PDSS2: variants seen among roughly 807,000 people sequenced by gnomAD.
The protein encoded by PDSS2 is all trans-polyprenyl-diphosphate synthase PDSS2.
In PDSS2, 31 loss-of-function variants were observed where a neutral mutation model predicts 44.5. That is an observed-to-expected ratio of 0.70 (90% CI 0.52 to 0.94). The LOEUF is 0.94. Among genes scored for constraint, PDSS2 ranks in the 40% least tolerant of loss-of-function variants. The pLI is 0.00. For synonymous variants in PDSS2, 157 were observed against 180.3 expected (o/e 0.87, Z 1.03); for missense variants, 452 against 482.2 (o/e 0.94, Z 0.59).
intron 1 of PDSS2, among the ~76,000 whole-genome samples, chr6:107,379,165 A>T (rs1779381341): frequency 6.6e-6 from 1 of 152,130 alleles, no homozygotes; most frequent in Admixed American, 6.5e-5. Flanking sequence ...TTTATTATTT[A>T]TTCAATCATT....
intron 4 of PDSS2, among the ~76,000 whole-genome samples, chr6:107,215,495 T>C (rs1277163883): frequency 1.3e-5 from 2 of 152,198 alleles, no homozygotes; most frequent in Non-Finnish European, 2.9e-5. Context: ...AACATGAGCC[T>C]TTCTCACTAA....
At chr6:107,358,045 C>A (rs1332719905) in intron 1 of PDSS2, among the ~76,000 whole-genome samples, 1 of 152,082 alleles carries the variant, frequency 6.6e-6, no homozygotes, top group African/African-American at 2.4e-5. Flanking sequence ...GTTTCGCAAT[C>A]CAAAAATTTT....
chr6:107,330,806 C>T (rs1265887543), intron 2 of PDSS2, among the ~76,000 whole-genome samples: 2 of 152,144 alleles, frequency 1.3e-5, no homozygotes, highest in African/African-American at 4.8e-5. Flanking sequence ...TGGCAAAAGG[C>T]TATGGCGAAT....
intron 1 of PDSS2, among the ~76,000 whole-genome samples, chr6:107,377,767 T>C (rs1779331814): frequency 6.6e-6 from 1 of 151,980 alleles, no homozygotes; most frequent in Non-Finnish European, 1.5e-5. Flanking sequence ...ATCATCATTC[T>C]CAGTAAACTA....
intron 1 of PDSS2, among the ~76,000 whole-genome samples, chr6:107,392,394 A>T (rs575012223): frequency 1.1e-3 from 163 of 152,350 alleles, no homozygotes; most frequent in African/African-American, 2.7e-3. Flanking sequence ...AAATTTTTTT[A>T]AAACATTCTT....
intron 7 of PDSS2, among the ~76,000 whole-genome samples, chr6:107,190,223 A>G (rs73523763): frequency 0.051 from 7,732 of 152,250 alleles, 595 homozygotes; most frequent in African/African-American, 0.17. Flanking sequence ...CTAGTTTACT[A>G]CAACCTTCCT....
At chr6:107,320,150 G>C (rs78637402) in intron 2 of PDSS2, among the ~76,000 whole-genome samples, 2 of 152,160 alleles carry the variant, frequency 1.3e-5, no homozygotes, top group East Asian at 3.9e-4. Context: ...AAGTCTGCCA[G>C]CTTTCTACTA....
chr6:107,388,092 A>C (rs1307518942), intron 1 of PDSS2, among the ~76,000 whole-genome samples: 1 of 152,162 alleles, frequency 6.6e-6, no homozygotes, highest in Non-Finnish European at 1.5e-5. Flanking sequence ...CAAAAAACGA[A>C]GAAAAGAAAA....
At chr6:107,405,275 T>C (rs1037155235) in intron 1 of PDSS2, among the ~76,000 whole-genome samples, 1 of 151,868 alleles carries the variant, frequency 6.6e-6, no homozygotes, top group Non-Finnish European at 1.5e-5. Context: ...GTATAAGAAA[T>C]GCTCAAAGGA....
intron 7 of PDSS2, among the ~76,000 whole-genome samples, chr6:107,158,310 G>A (rs924924440): frequency 6.0e-5 from 9 of 150,898 alleles, no homozygotes; most frequent in Admixed American, 6.0e-4. Context: ...TCAGCCTCCC[G>A]AGTAGCTGGG....
intron 1 of PDSS2, among the ~76,000 whole-genome samples, chr6:107,352,037 C>A (rs1286295137): frequency 6.6e-6 from 1 of 152,074 alleles, no homozygotes; most frequent in East Asian, 1.9e-4. Flanking sequence ...TTTACAATAT[C>A]ACAGTTTTAA....
chr6:107,270,997 A>G (rs773943128), intron 3 of PDSS2, among the ~76,000 whole-genome samples: 6 of 152,230 alleles, frequency 3.9e-5, no homozygotes, highest in Non-Finnish European at 5.9e-5. Flanking sequence ...CTATATACAC[A>G]TAAACACTTG....
chr6:107,327,316 A>T (rs2115202501), intron 2 of PDSS2, among the ~76,000 whole-genome samples: 1 of 152,384 alleles, frequency 6.6e-6, no homozygotes, highest in Non-Finnish European at 1.5e-5. Flanking sequence ...TAAGGGTAAC[A>T]CAAACTCAGG....
intron 2 of PDSS2, among the ~76,000 whole-genome samples, chr6:107,297,975 G>T (rs778204671): frequency 1.5e-4 from 23 of 152,122 alleles, no homozygotes; most frequent in Admixed American, 6.5e-5. Context: ...CGAACTCCTG[G>T]CCTCAAGTGA....
At chr6:107,363,875 C>A (rs368389163) in intron 1 of PDSS2, among the ~76,000 whole-genome samples, 10 of 152,284 alleles carry the variant, frequency 6.6e-5, no homozygotes, top group African/African-American at 2.4e-4. Flanking sequence ...CAAGTCCCCA[C>A]CAGAGCAGCT....
At chr6:107,384,633 C>T (rs893897051) in intron 1 of PDSS2, among the ~76,000 whole-genome samples, 8 of 150,124 alleles carry the variant, frequency 5.3e-5, no homozygotes, top group African/African-American at 2.0e-4. Flanking sequence ...AAAAGTGAGA[C>T]TCTGTCTCAA....
intron 1 of PDSS2, among the ~76,000 whole-genome samples, chr6:107,448,470 G>A (rs943494120): frequency 1.3e-5 from 2 of 152,166 alleles, no homozygotes; most frequent in African/African-American, 4.8e-5. Flanking sequence ...AGCATAGCAA[G>A]AGTGACCTTT....
intron 7 of PDSS2, among the ~76,000 whole-genome samples, chr6:107,176,033 TTTTA>T (rs200788409): frequency 2.0e-5 from 3 of 151,874 alleles, no homozygotes; most frequent in African/African-American, 4.8e-5. Context: ...TTTTCACTGC[TTTTA>T]TTTATTTATT....
At chr6:107,456,662 C>T (rs564996939) in intron 1 of PDSS2, among the ~76,000 whole-genome samples, 3 of 152,334 alleles carry the variant, frequency 2.0e-5, no homozygotes, top group Non-Finnish European at 4.4e-5. Flanking sequence ...AATCGCAATC[C>T]TCCCAAGCAG....
Sources: allele counts gnomAD v4.1 joint callset (sites outside exome capture counted in the v4.1 genomes callset), GRCh38; gene constraint gnomAD v4.1.1; transcripts MANE v1.5; gene names NCBI Gene and HGNC (gene_info 2026-07-23, HGNC 2026-07-21).